Variants in PRRX2 observed in about 807,000 individuals in gnomAD.
PRRX2 encodes the protein paired mesoderm homeobox protein 2.
Under a neutral mutation model 18.0 loss-of-function variants are expected in PRRX2, and 11 were observed. The ratio of observed to expected loss-of-function variants is 0.61; its 90% confidence interval spans 0.39 to 1.01. The LOEUF (loss-of-function observed/expected upper bound fraction) is 1.01, where lower values mean the gene tolerates loss of function less well. PRRX2 is among the 50% of genes least tolerant of loss of function. The pLI is 0.01. For missense variants in PRRX2, 387 were observed against 351.0 expected, an observed-to-expected ratio of 1.10 and a Z score of -0.82; for synonymous variants, 177 against 154.8, an observed-to-expected ratio of 1.14 and a Z score of -1.06.
intron 1 of PRRX2, among the ~76,000 whole-genome samples, chr9:129,684,502 A>ACCAGAAAAGATACCAGAAAT (rs1564147394): frequency 2.9e-4 from 24 of 83,306 alleles, no homozygotes; most frequent in Non-Finnish European, 5.8e-4. Context: ...ACACACACAC[A>ACCAGAAAAGATACCAGAAAT]CACACACACA....
At chr9:129,708,638 A>T (rs979551963) in intron 1 of PRRX2, among the ~76,000 whole-genome samples, 1 of 152,212 alleles carries the variant, frequency 6.6e-6, no homozygotes, top group African/African-American at 2.4e-5. Flanking sequence ...CTTAATGGTT[A>T]TAACAGTTAC....
intron 1 of PRRX2, among the ~76,000 whole-genome samples, chr9:129,704,208 G>T (rs1175722051): frequency 6.6e-6 from 1 of 152,216 alleles, no homozygotes; most frequent in Non-Finnish European, 1.5e-5. Flanking sequence ...AGAACCACCA[G>T]GCCAGGCCTA....
chr9:129,702,716 G>A (rs1461687696), intron 1 of PRRX2, among the ~76,000 whole-genome samples: 1 of 152,232 alleles, frequency 6.6e-6, no homozygotes, highest in Non-Finnish European at 1.5e-5. Context: ...GTGAGGGAGT[G>A]TCTACTGCAG....
At chr9:129,718,368 C>T (rs927283223) in intron 1 of PRRX2, among the ~76,000 whole-genome samples, 2 of 152,168 alleles carry the variant, frequency 1.3e-5, no homozygotes, top group African/African-American at 2.4e-5. Context: ...AGCATCCTCC[C>T]GTGCCCTGGC....
chr9:129,697,331 C>T (rs1447539649), intron 1 of PRRX2, among the ~76,000 whole-genome samples: 2 of 152,058 alleles, frequency 1.3e-5, no homozygotes, highest in East Asian at 3.9e-4. Flanking sequence ...CTCCCCCTCC[C>T]CTAGGCCGTG....
In PRRX2 at chr9:129,671,892, C is replaced by T. The variant is rs1026608679; in HGVS notation, c.259+5766C>T. On this transcript the variant is annotated intron_variant, in intron 1 of 3. Transcript: ENST00000372469. The surrounding 1 kb of genome is among the most constrained non-coding windows in gnomAD (Gnocchi z 4.0). ...GGAGGAGTCAGGGAAGGGGAGCTCT[C>T]CTGGCTGTTGGGGAGATTCTGGCTG... 1.1e-4 allele frequency among the ~76,000 whole-genome samples: 17 copies of T among 151,606 alleles called. No homozygotes were observed. Among genetic ancestry groups the T allele is most frequent in the Non-Finnish European group, 2.2e-4 (15 of 67,936 alleles).
chr9:129,682,036 G>A (rs1018900129), intron 1 of PRRX2, among the ~76,000 whole-genome samples: 3 of 152,170 alleles, frequency 2.0e-5, no homozygotes, highest in South Asian at 2.1e-4. Flanking sequence ...AGGAGGAGGC[G>A]TGGGTCTTAG....
chr9:129,668,059 C>G (rs922785242), intron 1 of PRRX2, among the ~76,000 whole-genome samples: 3 of 152,206 alleles, frequency 2.0e-5, no homozygotes, highest in African/African-American at 7.2e-5. Context: ...CTGCCTAGCT[C>G]TGCCCTGAGG....
chr9:129,718,703 T>C (rs1369219097), intron 1 of PRRX2: 1 of 152,404 alleles, frequency 6.6e-6, no homozygotes, highest in Non-Finnish European at 1.5e-5. Context: ...TCTTTAGGGC[T>C]CCTGGGAGCT....
intron 1 of PRRX2, 123 bp downstream of exon 1, chr9:129,666,249 C>A: frequency 1.3e-6 from 1 of 785,280 alleles, no homozygotes; most frequent in Non-Finnish European, 1.5e-6. Flanking sequence ...GGCGGCAGGA[C>A]TTCTGGGGGC....
intron 1 of PRRX2, among the ~76,000 whole-genome samples, chr9:129,685,037 G>A (rs755912261): frequency 2.6e-5 from 4 of 152,188 alleles, no homozygotes; most frequent in Non-Finnish European, 4.4e-5. Flanking sequence ...ACCAGGGCAG[G>A]CAGTGTGCCA....
At chr9:129,697,549 C>G (rs1007821976) in intron 1 of PRRX2, among the ~76,000 whole-genome samples, 1 of 151,326 alleles carries the variant, frequency 6.6e-6, no homozygotes, top group African/African-American at 2.4e-5. Flanking sequence ...CACGCACTGG[C>G]TGGCGCGCAC....
At chr9:129,701,453 G>T (rs1055339831) in intron 1 of PRRX2, among the ~76,000 whole-genome samples, 3 of 152,204 alleles carry the variant, frequency 2.0e-5, no homozygotes, top group Non-Finnish European at 2.9e-5. Flanking sequence ...CACAGAGCTG[G>T]CATGGAAAGC....
chr9:129,712,542 A>G (rs1395092831), intron 1 of PRRX2, among the ~76,000 whole-genome samples: 1 of 152,166 alleles, frequency 6.6e-6, no homozygotes, highest in Non-Finnish European at 1.5e-5. Context: ...TCAGCCAACT[A>G]AATGGTACGT....
At chr9:129,690,372 A>G (rs962274110) in intron 1 of PRRX2, among the ~76,000 whole-genome samples, 10 of 152,140 alleles carry the variant, frequency 6.6e-5, no homozygotes, top group South Asian at 2.1e-4. Context: ...TATCACGCCA[A>G]TGGGTAGGAT....
At chr9:129,673,965 G>A (rs750956673) in intron 1 of PRRX2, among the ~76,000 whole-genome samples, 6 of 152,166 alleles carry the variant, frequency 3.9e-5, no homozygotes, top group South Asian at 2.1e-4. Context: ...GGGAGGTGAC[G>A]TGGGGCAGGG....
At chr9:129,713,450 C>T (rs1171767562) in intron 1 of PRRX2, among the ~76,000 whole-genome samples, 3 of 152,098 alleles carry the variant, frequency 2.0e-5, no homozygotes, top group African/African-American at 2.4e-5. Context: ...AGGCCTCCCA[C>T]CATGGCATCT....
At chr9:129,707,368 C>T (rs930407923) in intron 1 of PRRX2, among the ~76,000 whole-genome samples, 4 of 152,214 alleles carry the variant, frequency 2.6e-5, no homozygotes, top group African/African-American at 9.6e-5. Flanking sequence ...CAGTTACCAT[C>T]TCTAAGTGTT....
At position 129,722,447 on chromosome 9, in the gene PRRX2, C is replaced by G; in HGVS notation, c.*95C>G. The G allele has an allele frequency of 6.9e-7, 1 of 1,454,210 alleles. No homozygotes were observed. The highest frequency in any genetic ancestry group is 9.2e-7 in the Non-Finnish European group (1 of 1,085,364). The allele number at this position is 1,454,210 out of a possible 1,614,324, so 90.1% of individuals were successfully genotyped here. On this transcript the variant is annotated 3_prime_UTR_variant, in exon 4 of 4. Coordinates refer to ENST00000372469, the MANE Select transcript of PRRX2 (RefSeq NM_016307.4). ...GAAGTGACCTTCTCCTGGATGAGCT[C>G]TCCTGGCCCGTCTGTCCAGCCTGGA...
Sources: allele counts gnomAD v4.1 joint callset (sites outside exome capture counted in the v4.1 genomes callset), GRCh38; gene constraint gnomAD v4.1.1; non-coding constraint Gnocchi (gnomAD v3.1); transcripts MANE v1.5; gene names NCBI Gene and HGNC (gene_info 2026-07-23, HGNC 2026-07-21).